The following R3HDM1 variants were observed in gnomAD, a reference collection of about 807,000 sequenced individuals.
The protein encoded by R3HDM1 is R3H domain-containing protein 1.
Under a neutral mutation model 141.1 loss-of-function variants are expected in R3HDM1, and 46 were observed. That is an observed-to-expected ratio of 0.33 (90% CI 0.26 to 0.42). R3HDM1 has a LOEUF of 0.42. Ranked by LOEUF, R3HDM1 falls within the 10% of genes least tolerant of loss-of-function variation. R3HDM1 has a pLI of 1.00. For missense variants in R3HDM1, 1,184 were observed against 1,368.3 expected (o/e 0.87, Z 2.12); for synonymous variants, 435 against 472.9 (o/e 0.92, Z 1.04).
intron 21 of R3HDM1, among the ~76,000 whole-genome samples, chr2:135,693,960 C>T (rs1202863695): frequency 6.6e-6 from 1 of 151,882 alleles, no homozygotes; most frequent in African/African-American, 2.4e-5. Flanking sequence ...GCCAAGATCA[C>T]GCCATTGCAC....
In R3HDM1 at chr2:135,598,688, G is replaced by C. The variant is rs990998425; in HGVS notation, c.-249-3812G>C. Reference sequence around the variant, plus strand: ...GAGTGATAATAGGACATACTTCTTAGAACTGTTGTGTGAGTTTTAAATGAA... The same window carrying C: ...GAGTGATAATAGGACATACTTCTTACAACTGTTGTGTGAGTTTTAAATGAA... On this transcript the variant is annotated intron_variant, in intron 1 of 26. Coordinates refer to ENST00000683871, the MANE Select transcript of R3HDM1 (RefSeq NM_001378107.1). 2.0e-5 allele frequency among the ~76,000 whole-genome samples: 3 copies of C among 152,116 alleles called. No individual in the cohort carries two copies. In the East Asian group the frequency reaches 5.8e-4, roughly 29 times the overall value.
chr2:135,547,558 T>C (rs1000767433), intron 1 of R3HDM1, among the ~76,000 whole-genome samples: 4 of 151,668 alleles, frequency 2.6e-5, no homozygotes, highest in Non-Finnish European at 4.4e-5. Context: ...TTCCATGAGA[T>C]TTTTCTCCTG....
chr2:135,604,947 A>G lies in R3HDM1; in HGVS notation c.102A>G (p.Lys34=), dbSNP rs766403857. The part of the protein sequence containing the change: ...KDTTRVENLI[K]SENYGKILVE... The stretch of plus-strand genomic sequence containing the variant: ...CAACCAGAGTTGAAAATCTTATCAA[A>G]TCAGAAAACTATGGGAAGATTTTGG... Residue 34 remains lysine (K), a synonymous_variant, in exon 3 of 27, where the codon AAA becomes AAG. Coordinates refer to ENST00000683871, the MANE Select transcript of R3HDM1 (RefSeq NM_001378107.1). The G allele has an allele frequency of 4.2e-5, 68 of 1,612,482 alleles. No individual in the cohort carries two copies. The Admixed American group carries it at 1.1e-3, about 26-fold the overall frequency.
In R3HDM1 at chr2:135,641,689, G is replaced by T; in HGVS notation, c.1373G>T (p.Gly458Val). 1 of 1,614,052 alleles carries T rather than the reference G, an allele frequency of 6.2e-7. No individual in the cohort carries two copies. Among genetic ancestry groups the T allele is most frequent in the Non-Finnish European group, 8.5e-7 (1 of 1,180,014 alleles). Residue 458 changes from glycine (G) to valine (V), a missense_variant, in exon 15 of 27, where the codon GGC becomes GTC. Around this residue, in one of 5 missense-constraint regions of R3HDM1, gnomAD observed 240 missense variants for 312.3 expected, o/e 0.77. Transcript: ENST00000683871. Reference sequence around the variant, plus strand: ...CATAGTTCTCTTTCCTTTGATGGTGGCCTAAATGGGCAAGTCGCATCTCCT... The same window carrying T: ...CATAGTTCTCTTTCCTTTGATGGTGTCCTAAATGGGCAAGTCGCATCTCCT... Reference protein sequence around the residue: ...STHSSLSFDGGLNGQVASPST... With the variant: ...STHSSLSFDGVLNGQVASPST...
At chr2:135,541,368 C>T (rs1017426639) in intron 1 of R3HDM1, among the ~76,000 whole-genome samples, 7 of 152,066 alleles carry the variant, frequency 4.6e-5, no homozygotes, top group East Asian at 1.9e-4. Context: ...CCACCATGCC[C>T]GGCTAATTTT....
intron 17 of R3HDM1, chr2:135,651,310 T>C: frequency 2.0e-6 from 2 of 983,916 alleles, no homozygotes; most frequent in Middle Eastern, 5.2e-4. Context: ...AGAGGGGAGA[T>C]AGTTTAAAGC....
chr2:135,669,565 C>A (rs1240932157), intron 19 of R3HDM1: 1 of 985,034 alleles, frequency 1.0e-6, no homozygotes, highest in Admixed American at 6.2e-5. Flanking sequence ...CTTATTTGAA[C>A]AATATTACTG....
chr2:135,707,825 A>T (rs1007427102), intron 21 of R3HDM1, among the ~76,000 whole-genome samples: 3 of 152,252 alleles, frequency 2.0e-5, no homozygotes, highest in Admixed American at 1.3e-4. Context: ...CATAAATTTC[A>T]GAAAGTACTG....
chr2:135,651,411 T>C, intron 17 of R3HDM1: 1 of 980,412 alleles, frequency 1.0e-6, no homozygotes, highest in Non-Finnish European at 1.2e-6. Context: ...CAATTTCACT[T>C]CTACATTCTA....
chr2:135,570,870 C>A (rs1384941038), intron 1 of R3HDM1, among the ~76,000 whole-genome samples: 1 of 152,168 alleles, frequency 6.6e-6, no homozygotes, highest in Non-Finnish European at 1.5e-5. Context: ...AAAAAATCAT[C>A]TAGCCTGAAG....
In R3HDM1 at chr2:135,616,776, T is replaced by C; in HGVS notation, c.303+19T>C. 1 of 1,541,674 alleles carries C rather than the reference T, an allele frequency of 6.5e-7. No individual in the cohort carries two copies. Among genetic ancestry groups the C allele is most frequent in the Non-Finnish European group, 8.9e-7 (1 of 1,121,094 alleles). ...GAACCAGGTAAAAAAGCAAAACAAA[T>C]GTTATTTCAAGACATGGTGGAACTG... On this transcript the variant is annotated intron_variant, in intron 5 of 26. Transcript: ENST00000683871.
intron 19 of R3HDM1, among the ~76,000 whole-genome samples, chr2:135,665,880 A>G (rs1455102277): frequency 6.6e-6 from 1 of 152,192 alleles, no homozygotes; most frequent in African/African-American, 2.4e-5. Context: ...ATTTGAAGCT[A>G]CTTGGTCTCG....
At chr2:135,574,259 T>C (rs1704851728) in intron 1 of R3HDM1, among the ~76,000 whole-genome samples, 1 of 152,170 alleles carries the variant, frequency 6.6e-6, no homozygotes, top group South Asian at 2.1e-4. Context: ...TTTGAAAACC[T>C]AGATGAAATG....
At chr2:135,534,286 C>A (rs937173547) in intron 1 of R3HDM1, among the ~76,000 whole-genome samples, 15 of 152,146 alleles carry the variant, frequency 9.9e-5, no homozygotes, top group African/African-American at 3.4e-4. Flanking sequence ...TATATACTTG[C>A]TATCCATATT....
chr2:135,644,856 C>A (rs1043100530), intron 15 of R3HDM1, among the ~76,000 whole-genome samples: 1 of 151,718 alleles, frequency 6.6e-6, no homozygotes, highest in Non-Finnish European at 1.5e-5. Context: ...TCAAGGCGGA[C>A]GGATCACCTG....
chr2:135,591,179 A>G (rs1574133638), intron 1 of R3HDM1, among the ~76,000 whole-genome samples: 2 of 152,312 alleles, frequency 1.3e-5, no homozygotes, highest in South Asian at 4.1e-4. Context: ...GGGTGGGTTA[A>G]TGTGCCAGGA....
At chr2:135,673,217 G>A (rs1424985669) in intron 19 of R3HDM1, among the ~76,000 whole-genome samples, 1 of 152,238 alleles carries the variant, frequency 6.6e-6, no homozygotes, top group African/African-American at 2.4e-5. Flanking sequence ...GGAGGCTAAG[G>A]TGGGGAGGAT....
At chr2:135,581,038 G>A (rs1040189465) in intron 1 of R3HDM1, among the ~76,000 whole-genome samples, 1 of 152,036 alleles carries the variant, frequency 6.6e-6, no homozygotes, top group African/African-American at 2.4e-5. Context: ...CCCTGTCCTG[G>A]CACTTACTAC....
chr2:135,677,928 T>G (rs1387459223), intron 20 of R3HDM1, among the ~76,000 whole-genome samples: 1 of 152,016 alleles, frequency 6.6e-6, no homozygotes, highest in African/African-American at 2.4e-5. Context: ...GGTCGCTTGC[T>G]CTCTCTCGCT....
Sources: allele counts gnomAD v4.1 joint callset (sites outside exome capture counted in the v4.1 genomes callset), GRCh38; gene constraint gnomAD v4.1.1; regional missense constraint gnomAD v4.1.1; transcripts MANE v1.5; gene names NCBI Gene and HGNC (gene_info 2026-07-23, HGNC 2026-07-21).